DPP6: variants seen among roughly 807,000 people sequenced by gnomAD.
DPP6 encodes A-type potassium channel modulatory protein DPP6.
Under a neutral mutation model 122.6 loss-of-function variants are expected in DPP6, and 69 were observed. That is an observed-to-expected ratio of 0.56 (90% CI 0.46 to 0.69). The LOEUF is 0.69. Ranked by LOEUF, DPP6 falls within the 30% of genes least tolerant of loss-of-function variation. DPP6 has a pLI of 0.00. For missense variants in DPP6, 928 were observed against 1,116.9 expected, an observed-to-expected ratio of 0.83 and a Z score of 2.41; for synonymous variants, 418 against 433.1, an observed-to-expected ratio of 0.97 and a Z score of 0.43.
chr7:154,266,870 A>G (rs1242561750), intron 1 of DPP6, among the ~76,000 whole-genome samples: 2 of 152,176 alleles, frequency 1.3e-5, no homozygotes, highest in Non-Finnish European at 2.9e-5. Flanking sequence ...TCATTCTCTC[A>G]TGAGTATGAA....
the DPP6 span, among the ~76,000 whole-genome samples, chr7:153,774,642 G>T: frequency 6.6e-6 from 1 of 152,064 alleles, no homozygotes; most frequent in South Asian, 2.1e-4. Context: ...GGAACAGAGG[G>T]TTTTACTTGG....
the DPP6 span, among the ~76,000 whole-genome samples, chr7:153,773,880 T>TA: frequency 7.2e-6 from 1 of 138,506 alleles, no homozygotes; most frequent in Admixed American, 7.1e-5. Context: ...AAAAAGAAAA[T>TA]AAAAAAATCA....
intron 1 of DPP6, among the ~76,000 whole-genome samples, chr7:154,081,268 G>C (rs1052456446): frequency 6.7e-6 from 1 of 149,996 alleles, no homozygotes; most frequent in Non-Finnish European, 1.5e-5. Context: ...TTGAAGCATT[G>C]TGCCTCTCTT....
chr7:154,762,302 G>C (rs1015391905), intron 8 of DPP6, among the ~76,000 whole-genome samples: 3 of 152,184 alleles, frequency 2.0e-5, no homozygotes, highest in Admixed American at 2.0e-4. Context: ...GGAGTCTCAC[G>C]CCCTGGAAGT....
chr7:153,924,844 G>C (rs1377664607), intron 1 of DPP6, among the ~76,000 whole-genome samples: 4 of 152,198 alleles, frequency 2.6e-5, no homozygotes, highest in Non-Finnish European at 2.9e-5. Context: ...TGGTTCAGGG[G>C]GTAGCAGGGG....
intron 1 of DPP6, among the ~76,000 whole-genome samples, chr7:154,349,707 G>A (rs35802648): frequency 0.018 from 2,672 of 152,212 alleles, 85 homozygotes; most frequent in African/African-American, 0.06. Flanking sequence ...ACTTAACGCC[G>A]TGTCAGCTAG....
At chr7:154,759,542 T>G (rs1258968942) in intron 8 of DPP6, among the ~76,000 whole-genome samples, 1 of 152,262 alleles carries the variant, frequency 6.6e-6, no homozygotes, top group Non-Finnish European at 1.5e-5. Context: ...TCCCTCTCCC[T>G]GAGCCTTATG....
At chr7:154,677,927 T>A (rs553212467) in intron 7 of DPP6, among the ~76,000 whole-genome samples, 37 of 152,272 alleles carry the variant, frequency 2.4e-4, no homozygotes, top group African/African-American at 8.4e-4. Context: ...CTTGGAGAAC[T>A]TTTCTGTCTA....
chr7:154,733,664 G>C (rs894367588), intron 8 of DPP6, among the ~76,000 whole-genome samples: 1 of 152,168 alleles, frequency 6.6e-6, no homozygotes, highest in South Asian at 2.1e-4. Context: ...GAGTAGTAGT[G>C]CAGTGTAGTA....
At chr7:154,361,827 C>T (rs1811752497) in intron 1 of DPP6, among the ~76,000 whole-genome samples, 1 of 152,232 alleles carries the variant, frequency 6.6e-6, no homozygotes, top group Non-Finnish European at 1.5e-5. Context: ...CCCTGCCTTA[C>T]AGATGGAGAA....
chr7:154,463,003 C>A (rs1489189071), intron 2 of DPP6, among the ~76,000 whole-genome samples: 1 of 151,588 alleles, frequency 6.6e-6, no homozygotes, highest in African/African-American at 2.4e-5. Context: ...TTAGTGAAAT[C>A]CTTAGGTTTT....
intron 4 of DPP6, 71 bp downstream of exon 4, chr7:154,540,697 C>A: frequency 7.3e-6 from 7 of 963,642 alleles, no homozygotes; most frequent in Non-Finnish European, 1.1e-5. Flanking sequence ...CAGAAAATGA[C>A]TTTTGGTTTC....
chr7:154,610,699 G>T (rs941311147), intron 5 of DPP6, among the ~76,000 whole-genome samples: 25 of 137,058 alleles, frequency 1.8e-4, no homozygotes, highest in African/African-American at 6.8e-4. Context: ...TTGTGTCTGT[G>T]TTGTTCTCTG....
At chr7:154,532,906 G>A (rs773484187) in intron 3 of DPP6, among the ~76,000 whole-genome samples, 2 of 152,160 alleles carry the variant, frequency 1.3e-5, no homozygotes, top group Admixed American at 6.6e-5. Flanking sequence ...AGCAGGTCAT[G>A]CAAGAATCCT....
At chr7:154,854,692 C>G (rs1270155495) in intron 17 of DPP6, among the ~76,000 whole-genome samples, 3 of 152,094 alleles carry the variant, frequency 2.0e-5, no homozygotes, top group Non-Finnish European at 4.4e-5. Context: ...GAAAGACTTC[C>G]CAGGGTCACT....
rs373176130 is a variant in DPP6, at chr7:154,255,143, CAG to C, written c.244-191066_244-191065del. On this transcript the variant is annotated intron_variant, in intron 1 of 25. Transcript: ENST00000377770. Reference sequence around the variant, plus strand: ...GCTTAGGGCAGCTAGTCTATTCAGACAGAGAGTTACAGGGTCCGTCCGAGGGG... The same window carrying C: ...GCTTAGGGCAGCTAGTCTATTCAGACAGAGTTACAGGGTCCGTCCGAGGGG... 1.5e-4 allele frequency among the ~76,000 whole-genome samples: 23 copies of C among 152,190 alleles called. No individual in the cohort carries two copies. In the East Asian group the frequency reaches 3.5e-3, roughly 23 times the overall value.
At chr7:154,630,391 A>C (rs1475268867) in intron 5 of DPP6, among the ~76,000 whole-genome samples, 1 of 152,258 alleles carries the variant, frequency 6.6e-6, no homozygotes, top group African/African-American at 2.4e-5. Context: ...CAAGTTACAA[A>C]GTCAAGTGAA....
chr7:154,227,085 A>C (rs1160326495), intron 1 of DPP6, among the ~76,000 whole-genome samples: 1 of 152,160 alleles, frequency 6.6e-6, no homozygotes, highest in Non-Finnish European at 1.5e-5. Flanking sequence ...GTATTTCTCC[A>C]AGAGAAGTGA....
At chr7:154,578,736 T>A (rs987070413) in intron 5 of DPP6, among the ~76,000 whole-genome samples, 13 of 152,098 alleles carry the variant, frequency 8.5e-5, no homozygotes, top group African/African-American at 3.1e-4. Flanking sequence ...GTTTGTATGA[T>A]TTCTCTTGAG....
Sources: allele counts gnomAD v4.1 joint callset (sites outside exome capture counted in the v4.1 genomes callset), GRCh38; gene constraint gnomAD v4.1.1; transcripts MANE v1.5; gene names NCBI Gene and HGNC (gene_info 2026-07-23, HGNC 2026-07-21).